Variants in CPA3 observed in about 807,000 individuals in gnomAD.
CPA3 encodes carboxypeptidase A3.
Under a neutral mutation model 55.8 loss-of-function variants are expected in CPA3, and 52 were observed. That is an observed-to-expected ratio of 0.93 (90% CI 0.75 to 1.17). CPA3 has a LOEUF of 1.17. CPA3 is among the 50% of genes most tolerant of loss of function. The pLI is 0.00. For missense variants in CPA3, 547 were observed against 509.1 expected, an observed-to-expected ratio of 1.07 and a Z score of -0.72; for synonymous variants, 179 against 171.2, an observed-to-expected ratio of 1.05 and a Z score of -0.36.
rs750582936 is a variant in CPA3 at position 148,878,470 on chromosome 3, T to C, written c.299T>C (p.Ile100Thr). Residue 100 changes from isoleucine (I) to threonine (T), a missense_variant, in exon 4 of 11, where the codon ATT becomes ACT. By Grantham distance (89) the Ile-to-Thr change is moderately conservative. Coordinates refer to ENST00000296046, the MANE Select transcript of CPA3 (RefSeq NM_001870.4). ...EILIHDLQEEIEKQFDVKEDI... is the reference protein window; with the variant it reads ...EILIHDLQEETEKQFDVKEDI... ...TTGATTCATGATCTACAAGAAGAGA[T>C]TGAGAAACAGTTTGATGTTAAAGAA... 3.7e-5 allele frequency: 59 copies of C among 1,612,526 alleles called. No individual in the cohort carries two copies. Among genetic ancestry groups the C allele is most frequent in the Non-Finnish European group, 4.6e-5 (54 of 1,178,800 alleles).
chr3:148,896,562 G>A lies in CPA3; in HGVS notation c.1109G>A (p.Gly370Asp). 3 of 1,561,562 alleles carry A rather than the reference G, an allele frequency of 1.9e-6. No homozygotes were observed. The highest frequency in any genetic ancestry group is 1.8e-6 in the Non-Finnish European group (2 of 1,140,928). The change falls in exon 11 of 11, where the codon GGC becomes GAC. Residue 370 changes from glycine to aspartate, a missense_variant. Gly to Asp is a moderately conservative substitution (Grantham distance 94). Coordinates refer to ENST00000296046, the MANE Select transcript of CPA3 (RefSeq NM_001870.4). ...GSSLDWAYDL[G>D]IKHTFAFELR... ...TCTTTAGACTGGGCTTATGACCTGG[G>A]CATCAAACACACATTTGCCTTTGAG...
intron 3 of CPA3, among the ~76,000 whole-genome samples, chr3:148,870,713 C>T (rs1016891292): frequency 6.6e-6 from 1 of 152,016 alleles, no homozygotes; most frequent in African/African-American, 2.4e-5. Context: ...ACCCTTTTAA[C>T]TTAATATACT....
intron 2 of CPA3, among the ~76,000 whole-genome samples, chr3:148,867,876 A>C (rs1257296995): frequency 2.0e-5 from 3 of 152,040 alleles, no homozygotes. Flanking sequence ...GAATCTTTTC[A>C]ATGTTTGCTT....
intron 10 of CPA3, 30 bp downstream of exon 10, chr3:148,886,207 T>A: frequency 7.0e-7 from 1 of 1,422,424 alleles, no homozygotes; most frequent in East Asian, 2.3e-5. Flanking sequence ...TACTGAGCCC[T>A]TTTCCCTAAT....
intron 3 of CPA3, among the ~76,000 whole-genome samples, chr3:148,875,359 GA>G (rs1048471038): frequency 6.6e-6 from 1 of 152,036 alleles, no homozygotes; most frequent in Non-Finnish European, 1.5e-5. Flanking sequence ...ACGACTTCAA[GA>G]AATCCTTTCT....
chr3:148,868,326 A>G (rs1257390425), intron 2 of CPA3, among the ~76,000 whole-genome samples: 1 of 152,158 alleles, frequency 6.6e-6, no homozygotes, highest in East Asian at 1.9e-4. Context: ...CCTCAGACCT[A>G]TTTCACAATC....
chr3:148,879,161 C>G (rs1448827826), intron 5 of CPA3, among the ~76,000 whole-genome samples: 2 of 152,150 alleles, frequency 1.3e-5, no homozygotes, highest in Admixed American at 6.6e-5. Flanking sequence ...CTTGAGGGTT[C>G]CCTATATCAG....
chr3:148,868,779 A>G (rs779937166), intron 2 of CPA3, 136 bp from the exon 3 acceptor site: 116 of 911,716 alleles, frequency 1.3e-4, no homozygotes, highest in Non-Finnish European at 1.4e-4. Flanking sequence ...CCATAAACTT[A>G]TTAAAAGAAG....
chr3:148,880,032 AT>A, intron 6 of CPA3, 143 bp downstream of exon 6: 1 of 552,198 alleles, frequency 1.8e-6, no homozygotes, highest in Non-Finnish European at 3.3e-6. Context: ...AACGCTCTGA[AT>A]TTTACTCATC....
intron 2 of CPA3, among the ~76,000 whole-genome samples, chr3:148,867,817 T>C (rs1231973868): frequency 6.6e-6 from 1 of 152,248 alleles, no homozygotes; most frequent in African/African-American, 2.4e-5. Flanking sequence ...GGACTTGTAC[T>C]TCATTTAGTT....
chr3:148,865,596 G>T, intron 2 of CPA3, 48 bp downstream of exon 2: 3 of 1,515,898 alleles, frequency 2.0e-6, no homozygotes, highest in Non-Finnish European at 2.7e-6. Context: ...TTCTCTAAAA[G>T]ATGCTTCTTC....
intron 10 of CPA3, 24 bp downstream of exon 10, chr3:148,886,201 G>A (rs1714523778): frequency 6.7e-7 from 1 of 1,503,188 alleles, no homozygotes. Context: ...CTTATTTACT[G>A]AGCCCTTTTC....
intron 10 of CPA3, among the ~76,000 whole-genome samples, chr3:148,887,454 G>C (rs976243122): frequency 1.2e-4 from 18 of 152,148 alleles, no homozygotes; most frequent in African/African-American, 4.3e-4. Flanking sequence ...AGTAACCGGC[G>C]AAGCTGGAAC....
At chr3:148,883,572 G>T in intron 8 of CPA3, 41 bp from the exon 9 acceptor site, 1 of 1,509,112 alleles carries the variant, frequency 6.6e-7, no homozygotes, top group South Asian at 1.1e-5. Flanking sequence ...CTATATGGAT[G>T]GGGAGCAGAC....
chr3:148,884,378 T>A (rs1417666826), intron 9 of CPA3, among the ~76,000 whole-genome samples: 1 of 151,428 alleles, frequency 6.6e-6, no homozygotes, highest in Non-Finnish European at 1.5e-5. Context: ...ATGTGAGCTT[T>A]AAAAAAAAAG....
chr3:148,871,969 A>G (rs1293074300), intron 3 of CPA3, among the ~76,000 whole-genome samples: 1 of 152,250 alleles, frequency 6.6e-6, no homozygotes, highest in Non-Finnish European at 1.5e-5. Context: ...GGTCGGACCC[A>G]GGCACCAGGC....
chr3:148,889,801 C>T (rs1249851130), intron 10 of CPA3, among the ~76,000 whole-genome samples: 3 of 139,634 alleles, frequency 2.1e-5, no homozygotes, highest in Admixed American at 8.0e-5. Flanking sequence ...AACCAGAAGG[C>T]GGAGGTTGCA....
At chr3:148,889,731 G>A (rs1178029683) in intron 10 of CPA3, among the ~76,000 whole-genome samples, 7 of 151,894 alleles carry the variant, frequency 4.6e-5, no homozygotes, top group African/African-American at 7.3e-5. Flanking sequence ...TTAGCTGGGC[G>A]TAATGGTGGG....
chr3:148,891,762 T>C (rs1316980789), intron 10 of CPA3, among the ~76,000 whole-genome samples: 1 of 152,178 alleles, frequency 6.6e-6, no homozygotes, highest in Non-Finnish European at 1.5e-5. Context: ...CCATGCCCTT[T>C]AACCCTTGGA....
Sources: allele counts gnomAD v4.1 joint callset (sites outside exome capture counted in the v4.1 genomes callset), GRCh38; gene constraint gnomAD v4.1.1; transcripts MANE v1.5; gene names NCBI Gene and HGNC (gene_info 2026-07-23, HGNC 2026-07-21).